Variants in PXK observed in about 807,000 individuals in gnomAD.
PXK encodes the protein PX domain-containing protein kinase-like protein.
A neutral mutation model predicts 84.7 loss-of-function variants in PXK; 35 were observed. The ratio of observed to expected loss-of-function variants is 0.41; its 90% CI spans 0.32 to 0.55. The LOEUF (loss-of-function observed/expected upper bound fraction) is 0.55, where lower values mean the gene tolerates loss of function less well. PXK is among the 20% of genes least tolerant of loss of function. The pLI, the probability that PXK is intolerant of heterozygous loss-of-function variation, is 0.21. For synonymous variants in PXK, 253 were observed against 260.8 expected, an observed-to-expected ratio of 0.97 and a Z score of 0.29; for missense variants, 634 against 699.7, an observed-to-expected ratio of 0.91 and a Z score of 1.06.
rs187037843 is a variant in PXK, at chr3:58,377,007, C to G, written c.202-5507C>G. 1.1e-4 allele frequency among the ~76,000 whole-genome samples: 16 copies of G among 152,242 alleles called. 1 individual carries two copies. Among genetic ancestry groups the G allele is most frequent in the African/African-American group, 3.9e-4 (16 of 41,548 alleles). ...AGTGATTGGCTTGGATGTGCAATAG[C>G]TAAGTGATGTACTTTCTTCATATGT... On this transcript the variant is annotated intron_variant, in intron 3 of 17. Coordinates refer to ENST00000356151, the MANE Select transcript of PXK (RefSeq NM_017771.5).
chr3:58,422,499 G>T (rs1576897055), intron 17 of PXK: 3 of 985,390 alleles, frequency 3.0e-6, no homozygotes, highest in Non-Finnish European at 3.6e-6. Flanking sequence ...TTTGGACAGT[G>T]TATTTATTGA....
chr3:58,361,295 CAAAAAAA>C (rs149879171), intron 1 of PXK, among the ~76,000 whole-genome samples: 3 of 64,764 alleles, frequency 4.6e-5, no homozygotes, highest in African/African-American at 2.0e-4. Context: ...GACTCTGTCT[CAAAAAAA>C]AAAAAAAAAA....
chr3:58,376,330 AC>A lies in PXK; in HGVS notation c.202-6183del, dbSNP rs200230764. The stretch of plus-strand genomic sequence containing the variant: ...CTCGGGAGGCTGAGGCAGGAGAATT[AC>A]TTGAACCCAGGAGGCGGAGGTTGCA... On this transcript the variant is annotated intron_variant, in intron 3 of 17. Coordinates refer to ENST00000356151, the MANE Select transcript of PXK (RefSeq NM_017771.5). 9.5e-3 allele frequency among the ~76,000 whole-genome samples: 1,446 copies of A among 152,266 alleles called. 28 individuals carry two copies. The highest frequency in any genetic ancestry group is 0.033 in the African/African-American group (1,374 of 41,560).
At position 58,338,100 on chromosome 3, in the gene PXK, G is replaced by T. The variant is rs188960706; in HGVS notation, c.102+5010G>T. Among the ~76,000 whole-genome samples, 184 of 152,178 alleles carry T rather than the reference G, an allele frequency of 1.2e-3. 2 individuals are homozygous for T. Among genetic ancestry groups the T allele is most frequent in the Middle Eastern group, 3.4e-3 (1 of 294 alleles). On this transcript the variant is annotated intron_variant, in intron 1 of 17. Transcript: ENST00000356151. ...CTCGCACTTGTAATCCCAGCACTTTGGGAGGCCGAGGCAGGCAGATCATCT... is the reference window on the plus strand; with the variant it reads ...CTCGCACTTGTAATCCCAGCACTTTTGGAGGCCGAGGCAGGCAGATCATCT...
intron 1 of PXK, among the ~76,000 whole-genome samples, chr3:58,353,834 A>G (rs1039806663): frequency 1.3e-5 from 2 of 152,176 alleles, no homozygotes; most frequent in African/African-American, 4.8e-5. Flanking sequence ...TTTGCATGGG[A>G]AGAAAGGGTT....
In PXK at chr3:58,421,326, A is replaced by C; in HGVS notation, c.1529-3426A>C. ...GCCAGGCGCAGTGGCTCACATCTAT[A>C]ATCTCAGCACTTTGGGAGGCTGAGG... On this transcript the variant is annotated intron_variant, in intron 17 of 17. Coordinates refer to ENST00000356151, the MANE Select transcript of PXK (RefSeq NM_017771.5). This position sits in a 1 kb window ranked among gnomAD's most constrained non-coding sequence, Gnocchi z 5.5. The C allele has an allele frequency of 1.0e-6, 1 of 984,248 alleles. No individual in the cohort carries two copies. 61.0% of individuals were successfully genotyped at this position (984,248 alleles called of 1,614,324 possible). A position where few individuals can be genotyped will look rare whatever the true frequency, so the allele number is the denominator to read the frequency against.
intron 1 of PXK, among the ~76,000 whole-genome samples, chr3:58,348,914 C>CT (rs1422362318): frequency 6.6e-6 from 1 of 150,436 alleles, no homozygotes; most frequent in South Asian, 2.1e-4. Flanking sequence ...CCTGTCTGTA[C>CT]TTTTTTTTAA....
chr3:58,423,737 G>T (rs2062340770), intron 17 of PXK, among the ~76,000 whole-genome samples: 1 of 152,228 alleles, frequency 6.6e-6, no homozygotes, highest in Non-Finnish European at 1.5e-5. Context: ...TCAGAGAGCT[G>T]CAAGGTCACA....
At chr3:58,343,495 G>A (rs1469930574) in intron 1 of PXK, among the ~76,000 whole-genome samples, 1 of 152,204 alleles carries the variant, frequency 6.6e-6, no homozygotes. Flanking sequence ...CCACTCTTTG[G>A]TGAGTGTTGT....
chr3:58,353,559 G>A (rs1210571290), intron 1 of PXK, among the ~76,000 whole-genome samples: 1 of 152,166 alleles, frequency 6.6e-6, no homozygotes, highest in African/African-American at 2.4e-5. Context: ...AGCAGAGCAA[G>A]GAGTAATCAC....
intron 1 of PXK, among the ~76,000 whole-genome samples, chr3:58,348,191 G>T (rs1219222385): frequency 6.6e-6 from 1 of 152,176 alleles, no homozygotes; most frequent in African/African-American, 2.4e-5. Context: ...TTACAGGTGT[G>T]AGCTGCCGTG....
intron 3 of PXK, among the ~76,000 whole-genome samples, chr3:58,371,029 G>T (rs1236625741): frequency 6.6e-6 from 1 of 152,096 alleles, no homozygotes; most frequent in Non-Finnish European, 1.5e-5. Flanking sequence ...AAGGAAATAA[G>T]TATTTGTACA....
At chr3:58,391,588 AT>A (rs1388517278) in intron 6 of PXK, among the ~76,000 whole-genome samples, 184 bp from the exon 7 acceptor site, 1 of 152,044 alleles carries the variant, frequency 6.6e-6, no homozygotes, top group Non-Finnish European at 1.5e-5. Flanking sequence ...ATTAGATAAG[AT>A]TACAGTTAAG....
In PXK at chr3:58,351,457, C is replaced by T. The variant is rs1036500235; in HGVS notation, c.103-14417C>T. 2.0e-5 allele frequency among the ~76,000 whole-genome samples: 3 copies of T among 150,588 alleles called. No individual in the cohort carries two copies. In the East Asian group the frequency reaches 6.1e-4, roughly 31 times the overall value. ...TGTATTTTTTGTAGAGACAGGGTTTCACCATGTTGCCCAGGCTGGTCTTGA... is the reference window on the plus strand; with the variant it reads ...TGTATTTTTTGTAGAGACAGGGTTTTACCATGTTGCCCAGGCTGGTCTTGA... On this transcript the variant is annotated intron_variant, in intron 1 of 17. Coordinates refer to ENST00000356151, the MANE Select transcript of PXK (RefSeq NM_017771.5).
Position 58,346,288 on chromosome 3 carries a change from CTG to C in PXK, c.102+13203_102+13204del, listed in dbSNP as rs1231756682. Reference sequence around the variant, plus strand: ...CATTTTAGGAAGCTTAATTTGCTGTCTGTGTGCAAGGTGCAGTGGAAAGGGTG... The same window carrying C: ...CATTTTAGGAAGCTTAATTTGCTGTCTGTGCAAGGTGCAGTGGAAAGGGTG... On this transcript the variant is annotated intron_variant, in intron 1 of 17. Coordinates refer to ENST00000356151, the MANE Select transcript of PXK (RefSeq NM_017771.5). Among the ~76,000 whole-genome samples the C allele has an allele frequency of 2.7e-3, 414 of 152,066 alleles. 1 individual carries two copies. The highest frequency in any genetic ancestry group is 9.6e-3 in the African/African-American group (400 of 41,470).
intron 2 of PXK, among the ~76,000 whole-genome samples, chr3:58,368,160 C>T (rs7628920): frequency 0.14 from 20,822 of 152,010 alleles, 2,273 homozygotes; most frequent in African/African-American, 0.3. Context: ...TTGGTCTGTC[C>T]GTGTAGCCTT....
At chr3:58,404,370 A>G (rs1162680844) in intron 13 of PXK, among the ~76,000 whole-genome samples, 1 of 152,094 alleles carries the variant, frequency 6.6e-6, no homozygotes, top group African/African-American at 2.4e-5. Flanking sequence ...GGGTGAGATG[A>G]TTCTTTGTTG....
At chr3:58,360,516 G>A (rs975539047) in intron 1 of PXK, among the ~76,000 whole-genome samples, 2 of 152,108 alleles carry the variant, frequency 1.3e-5, no homozygotes, top group Non-Finnish European at 2.9e-5. Flanking sequence ...AGTAAAACAG[G>A]CTGGGCGCAG....
At chr3:58,346,048 C>T (rs1315802690) in intron 1 of PXK, among the ~76,000 whole-genome samples, 1 of 152,186 alleles carries the variant, frequency 6.6e-6, no homozygotes, top group Admixed American at 6.5e-5. Flanking sequence ...CTGGCATGGC[C>T]TAGGCACTTG....
Sources: allele counts gnomAD v4.1 joint callset (sites outside exome capture counted in the v4.1 genomes callset), GRCh38; gene constraint gnomAD v4.1.1; non-coding constraint Gnocchi (gnomAD v3.1); transcripts MANE v1.5; gene names NCBI Gene and HGNC (gene_info 2026-07-23, HGNC 2026-07-21).